CEP63: variants seen among roughly 807,000 people sequenced by gnomAD.
CEP63 encodes the protein centrosomal protein of 63 kDa.
A neutral mutation model predicts 89.1 loss-of-function variants in CEP63; 84 were observed. That is an observed-to-expected ratio of 0.94 (90% CI 0.79 to 1.13). CEP63 has a LOEUF of 1.13. Ranked by LOEUF, CEP63 falls within the 50% of genes most tolerant of loss-of-function variation. The probability of loss-of-function intolerance (pLI) is 0.00; values close to 1 mark genes in which losing one functional copy is unlikely to be tolerated. For missense variants in CEP63, 838 were observed against 813.3 expected (o/e 1.03, Z -0.37); for synonymous variants, 267 against 272.5 (o/e 0.98, Z 0.20).
chr3:134,525,884 A>G (rs981204470), intron 3 of CEP63, among the ~76,000 whole-genome samples: 1 of 151,924 alleles, frequency 6.6e-6, no homozygotes, highest in African/African-American at 2.4e-5. Context: ...CTTAGTTTCA[A>G]CCTTGGAGAA....
chr3:134,780,663 T>G, the CEP63 span: 1 of 152,250 alleles, frequency 6.6e-6, no homozygotes, highest in African/African-American at 2.4e-5. Flanking sequence ...CATATTGATT[T>G]ATAGAAATTC....
downstream of CEP63, among the ~76,000 whole-genome samples, chr3:134,592,348 A>G (rs903895359): frequency 6.6e-6 from 1 of 152,248 alleles, no homozygotes; most frequent in African/African-American, 2.4e-5. Context: ...TTGTCAGAAG[A>G]GAGTCACTAA....
the CEP63 span, among the ~76,000 whole-genome samples, chr3:134,734,185 G>A: frequency 4.6e-5 from 7 of 152,090 alleles, no homozygotes; most frequent in Non-Finnish European, 1.0e-4. Flanking sequence ...GTCATGCATT[G>A]CAGCTTTGTT....
In CEP63 at chr3:134,537,404, C is replaced by T. The variant is rs561646669; in HGVS notation, c.555+136C>T. On this transcript the variant is annotated intron_variant, in intron 6 of 14. Transcript: ENST00000675561. ...GAACCCTGCTCTCTTGTTTAGGAAGCCTCTCCTCAGCATCTAGACTCAGCT... is the reference window on the plus strand; with the variant it reads ...GAACCCTGCTCTCTTGTTTAGGAAGTCTCTCCTCAGCATCTAGACTCAGCT... The T allele has an allele frequency of 1.4e-4, 97 of 676,920 alleles. No individual in the cohort carries two copies. In the East Asian group the frequency reaches 2.8e-3, roughly 19 times the overall value. The allele number at this position is 676,920 out of a possible 1,614,324, so 41.9% of individuals were successfully genotyped here.
At chr3:134,599,421 T>C in the CEP63 span, among the ~76,000 whole-genome samples, 2 of 152,238 alleles carry the variant, frequency 1.3e-5, no homozygotes, top group Non-Finnish European at 2.9e-5. Flanking sequence ...ATGGTCTCCA[T>C]GGTTACAGCA....
intron 2 of CEP63, among the ~76,000 whole-genome samples, chr3:134,496,356 A>G (rs1422510064): frequency 5.3e-5 from 8 of 150,972 alleles, no homozygotes; most frequent in Non-Finnish European, 8.9e-5. Flanking sequence ...GTGTATTAAT[A>G]TATGTAAATG....
chr3:134,528,080 G>A (rs548585323), intron 3 of CEP63, among the ~76,000 whole-genome samples: 2 of 152,296 alleles, frequency 1.3e-5, no homozygotes, highest in South Asian at 4.1e-4. Flanking sequence ...GGTTCCAGAG[G>A]CCCGTGGCAA....
At chr3:134,556,905 G>T (rs1956290151) in intron 12 of CEP63, among the ~76,000 whole-genome samples, 1 of 152,160 alleles carries the variant, frequency 6.6e-6, no homozygotes, top group South Asian at 2.1e-4. Context: ...TAATAAGTAT[G>T]TTTAATGACA....
the CEP63 span, among the ~76,000 whole-genome samples, chr3:134,746,292 G>A: frequency 6.6e-6 from 1 of 152,092 alleles, no homozygotes; most frequent in African/African-American, 2.4e-5. Context: ...TGGTGTATAT[G>A]TGCCACATTT....
chr3:134,747,947 G>T, the CEP63 span, among the ~76,000 whole-genome samples: 39,664 of 151,916 alleles, frequency 0.26, 5,905 homozygotes, highest in African/African-American at 0.41. Context: ...CACCATGCCC[G>T]GCTAATTTTT....
the CEP63 span, chr3:134,610,166 C>T: frequency 1.5e-3 from 2,356 of 1,592,910 alleles, 10 homozygotes; most frequent in Middle Eastern, 0.013. Context: ...ACCTGCCAGA[C>T]GCCCAGCAGA....
chr3:134,528,438 C>T (rs1949108766), intron 3 of CEP63, among the ~76,000 whole-genome samples: 1 of 152,174 alleles, frequency 6.6e-6, no homozygotes, highest in Non-Finnish European at 1.5e-5. Context: ...TAGTCAGCTT[C>T]CATGCTGTTA....
At chr3:134,617,470 G>T in the CEP63 span, among the ~76,000 whole-genome samples, 1 of 152,118 alleles carries the variant, frequency 6.6e-6, no homozygotes, top group Non-Finnish European at 1.5e-5. Flanking sequence ...AAATATAGAC[G>T]TATACAATCG....
At chr3:134,516,409 T>C (rs1946232219) in intron 3 of CEP63, among the ~76,000 whole-genome samples, 1 of 152,178 alleles carries the variant, frequency 6.6e-6, no homozygotes, top group Non-Finnish European at 1.5e-5. Context: ...AGGAGACAGA[T>C]GCCTTCCTCT....
At chr3:134,641,925 ATC>A in the CEP63 span, among the ~76,000 whole-genome samples, 1 of 152,186 alleles carries the variant, frequency 6.6e-6, no homozygotes, top group Non-Finnish European at 1.5e-5. Context: ...ATAGCCAGAT[ATC>A]TCTGAGTCCT....
At chr3:134,740,589 G>A in the CEP63 span, among the ~76,000 whole-genome samples, 67 of 152,230 alleles carry the variant, frequency 4.4e-4, no homozygotes, top group Middle Eastern at 3.4e-3. Context: ...GAGCCACCGT[G>A]CCCCGCCTCT....
the CEP63 span, chr3:134,643,331 A>C: frequency 6.2e-7 from 1 of 1,613,748 alleles, no homozygotes; most frequent in African/African-American, 1.3e-5. Context: ...CTGTTGTAGG[A>C]AGTGATGACC....
chr3:134,535,500 C>CTTTTTTTTTTTTTTTTTTT lies in CEP63; in HGVS notation c.442-1644_442-1643insTTTTTTTTTTTTTTTTTTT, dbSNP rs869231096. 2 of 143,288 alleles carry CTTTTTTTTTTTTTTTTTTT rather than the reference C, an allele frequency of 1.4e-5. 1 individual carries two copies. 8.9% of individuals were successfully genotyped at this position (143,288 alleles called of 1,614,324 possible). A position where few individuals can be genotyped will look rare whatever the true frequency, so the allele number is the denominator to read the frequency against. ...GTCATGTCATTGGACCTTTCCTTTC[C>CTTTTTTTTTTTTTTTTTTT]TTTTTTTTTTTCCTATCTACGCTCA... On this transcript the variant is annotated intron_variant, in intron 5 of 14. Coordinates refer to ENST00000675561, the MANE Select transcript of CEP63 (RefSeq NM_001353108.3).
At chr3:134,487,834 C>T in intron 1 of CEP63, among the ~76,000 whole-genome samples, 1 of 152,180 alleles carries the variant, frequency 6.6e-6, no homozygotes, top group Non-Finnish European at 1.5e-5. Flanking sequence ...AACCAAAATC[C>T]CACAGGGATC....
Sources: allele counts gnomAD v4.1 joint callset (sites outside exome capture counted in the v4.1 genomes callset), GRCh38; gene constraint gnomAD v4.1.1; transcripts MANE v1.5; gene names NCBI Gene and HGNC (gene_info 2026-07-23, HGNC 2026-07-21).